ATIC: variants seen among roughly 807,000 people sequenced by gnomAD.
ATIC encodes 5-aminoimidazole-4-carboxamide ribonucleotide formyltransferase/IMP cyclohydrolase, also known as bifunctional purine biosynthesis protein ATIC.
In ATIC, 64 loss-of-function variants were observed where a neutral mutation model predicts 72.5. That is an observed-to-expected ratio of 0.88 (90% CI 0.72 to 1.09). ATIC has a LOEUF of 1.09. ATIC is among the 50% of genes least tolerant of loss of function. The probability of loss-of-function intolerance (pLI) is 0.00; values close to 1 mark genes in which losing one functional copy is unlikely to be tolerated. For synonymous variants in ATIC, 281 were observed against 267.1 expected (o/e 1.05, Z -0.51); for missense variants, 787 against 732.4 (o/e 1.07, Z -0.86).
Position 215,325,279 on chromosome 2 carries a change from T to TGG in ATIC, c.330_331dup (p.Ala111GlyfsTer6), listed in dbSNP as rs1194428756. ...AATCTCTATCCCTTTGTAAAGACAG[T>TGG]GGCTTCTCCAGGTGTAACTGTTGAG... On this transcript the variant is annotated frameshift_variant, in exon 5 of 16. Coordinates refer to ENST00000236959, the MANE Select transcript of ATIC (RefSeq NM_004044.7). LOFTEE classifies it high-confidence loss of function. The TGG allele has an allele frequency of 3.7e-6, 6 of 1,613,834 alleles. No homozygotes were observed. The highest frequency in any genetic ancestry group is 5.1e-6 in the Non-Finnish European group (6 of 1,179,856).
At chr2:215,312,245 G>C (rs1208823473) in intron 1 of ATIC, 84 bp downstream of exon 1, 1 of 1,446,770 alleles carries the variant, frequency 6.9e-7, no homozygotes, top group Non-Finnish European at 9.0e-7. Context: ...GGCGGGACCC[G>C]GCACTGCAGG....
rs761581513 is a variant in ATIC, at chr2:215,326,806, C to CT, written c.532-14dup. The CT allele has an allele frequency of 6.2e-7, 1 of 1,613,694 alleles. No individual in the cohort carries two copies. The highest frequency in any genetic ancestry group is 1.3e-5 in the African/African-American group (1 of 74,874). On this transcript the variant is annotated splice_polypyrimidine_tract_variant and intron_variant, in intron 6 of 15. Coordinates refer to ENST00000236959, the MANE Select transcript of ATIC (RefSeq NM_004044.7). ...AAAGTGCTGCTCGTGTCTCACAAAA[C>CT]TTACGCTTTTTGTAGGCATTCACTC... is the stretch of plus-strand genomic sequence containing the variant.
chr2:215,330,022 A>G (rs1291644172), intron 7 of ATIC, among the ~76,000 whole-genome samples: 1 of 152,172 alleles, frequency 6.6e-6, no homozygotes, highest in Non-Finnish European at 1.5e-5. Context: ...TTGGCCTCCC[A>G]AAGTGTTGGG....
chr2:215,342,669 G>C (rs1186471272), intron 12 of ATIC, among the ~76,000 whole-genome samples: 1 of 152,072 alleles, frequency 6.6e-6, no homozygotes, highest in Non-Finnish European at 1.5e-5. Flanking sequence ...TTGTGTGTTT[G>C]TGTGAGCATA....
the ATIC span, among the ~76,000 whole-genome samples, chr2:215,355,791 C>A: frequency 6.6e-6 from 1 of 152,252 alleles, no homozygotes; most frequent in African/African-American, 2.4e-5. Flanking sequence ...AAGGCCCCCA[C>A]ATTCCTGTGC....
At position 215,325,293 on chromosome 2, in the gene ATIC, G is replaced by T; in HGVS notation, c.343G>T (p.Val115Leu). ...PFVKTVASPG[V>L]TVEEAVEQID... ...TGTAAAGACAGTGGCTTCTCCAGGTGTAACTGTTGAGGAGGCTGTGGAGCA... is the reference window on the plus strand; with the variant it reads ...TGTAAAGACAGTGGCTTCTCCAGGTTTAACTGTTGAGGAGGCTGTGGAGCA... Residue 115 changes from valine (V) to leucine (L), a missense_variant, in exon 5 of 16, where the codon GTA (valine) becomes TTA (leucine). Val to Leu is a conservative substitution (Grantham distance 32). Transcript: ENST00000236959. 1 of 1,613,914 alleles carries T rather than the reference G, an allele frequency of 6.2e-7. No individual in the cohort carries two copies. The highest frequency in any genetic ancestry group is 8.5e-7 in the Non-Finnish European group (1 of 1,179,848).
At chr2:215,319,609 C>T in intron 3 of ATIC, 56 bp from the exon 4 acceptor site, 1 of 1,267,134 alleles carries the variant, frequency 7.9e-7, no homozygotes, top group South Asian at 1.2e-5. Flanking sequence ...GAAAGACATT[C>T]CTTAATCTGA....
At chr2:215,327,887 A>T (rs1468744571) in intron 7 of ATIC, among the ~76,000 whole-genome samples, 6 of 31,128 alleles carry the variant, frequency 1.9e-4, no homozygotes, top group Admixed American at 1.2e-3. Flanking sequence ...TGCCTCAGAT[A>T]GATTTTTTTT....
the ATIC span, chr2:215,368,122 T>C: frequency 2.3e-6 from 3 of 1,297,438 alleles, no homozygotes; most frequent in Non-Finnish European, 2.2e-6. Flanking sequence ...AATGACTTAA[T>C]CTAAAACAAG....
the ATIC span, among the ~76,000 whole-genome samples, chr2:215,359,967 C>G: frequency 7.2e-5 from 11 of 152,038 alleles, no homozygotes; most frequent in African/African-American, 2.7e-4. Flanking sequence ...GGGATGGAGT[C>G]TTGCTCTGTC....
rs186070291 is a variant in ATIC at position 215,325,418 on chromosome 2, A to G, written c.379+89A>G. The G allele has an allele frequency of 1.8e-4, 169 of 964,298 alleles. No homozygotes were observed. In the East Asian group the frequency reaches 4.1e-3, roughly 23 times the overall value. 59.7% of individuals were successfully genotyped at this position (964,298 alleles called of 1,614,324 possible). ...TCATTTTGAATTTTATTACTGAGGA[A>G]ATAGAAAGAAAATAGCTACTTCTGG... On this transcript the variant is annotated intron_variant, in intron 5 of 15. Coordinates refer to ENST00000236959, the MANE Select transcript of ATIC (RefSeq NM_004044.7).
At chr2:215,349,816 C>T, downstream of ATIC, 2 of 1,292,328 alleles carry the variant, frequency 1.5e-6, no homozygotes, top group Non-Finnish European at 2.2e-6. Context: ...GCTCTTTGAA[C>T]TGACACATGA....
intron 7 of ATIC, among the ~76,000 whole-genome samples, chr2:215,327,936 C>G (rs1454559048): frequency 6.6e-6 from 1 of 151,604 alleles, no homozygotes; most frequent in Non-Finnish European, 1.5e-5. Flanking sequence ...CTCGCTCTGT[C>G]ACCCAGGCTG....
At chr2:215,355,372 G>A in the ATIC span, among the ~76,000 whole-genome samples, 1 of 152,164 alleles carries the variant, frequency 6.6e-6, no homozygotes, top group South Asian at 2.1e-4. Context: ...CAGAAGGACA[G>A]AAGATCCATA....
chr2:215,365,876 G>C, the ATIC span: 2 of 200,460 alleles, frequency 1.0e-5, no homozygotes, highest in African/African-American at 4.8e-5. Context: ...TGCAATCTCG[G>C]CTCACTGTAA....
At position 215,332,483 on chromosome 2, in the gene ATIC, T is replaced by C; in HGVS notation, c.790T>C (p.Ser264Pro). 1 of 1,614,170 alleles carries C rather than the reference T, an allele frequency of 6.2e-7. No individual in the cohort carries two copies. The highest frequency in any genetic ancestry group is 8.5e-7 in the Non-Finnish European group (1 of 1,180,036). The change falls in exon 8 of 16, where the codon TCT becomes CCT. Residue 264 changes from serine (S) to proline (P), a missense_variant. Coordinates refer to ENST00000236959, the MANE Select transcript of ATIC (RefSeq NM_004044.7). ...GGCTTTAGGTATTCCAGCCGCTGCC[T>C]CTTTCAAACATGTCAGCCCAGCAGG... Reference protein sequence around the residue: ...KEALGIPAAASFKHVSPAGAA... With the variant: ...KEALGIPAAAPFKHVSPAGAA...
the ATIC span, chr2:215,361,133 C>A: frequency 5.6e-6 from 1 of 179,296 alleles, no homozygotes; most frequent in South Asian, 1.3e-4. Flanking sequence ...GTAACAAGAT[C>A]ATGCTTGTTC....
chr2:215,327,660 G>A (rs903336549), intron 7 of ATIC, among the ~76,000 whole-genome samples: 2 of 152,146 alleles, frequency 1.3e-5, no homozygotes, highest in East Asian at 1.9e-4. Flanking sequence ...TCCCAGGCAT[G>A]GAGGCCTTGG....
chr2:215,332,596 A>C (rs1405298152), intron 8 of ATIC, 89 bp downstream of exon 8: 7 of 1,502,220 alleles, frequency 4.7e-6, no homozygotes, highest in Non-Finnish European at 6.3e-6. Flanking sequence ...TCTAATGTGA[A>C]TATAGACATG....
Sources: gnomAD v4.1 joint callset for allele counts (sites outside exome capture counted in the v4.1 genomes callset) on GRCh38, gnomAD v4.1.1 for gene constraint, MANE v1.5 for transcripts, NCBI Gene and HGNC (gene_info 2026-07-23, HGNC 2026-07-21) for gene names.